The following GRIP1 variants were observed in gnomAD, a reference collection of about 807,000 sequenced individuals.
GRIP1 encodes glutamate receptor interacting protein 1.
Under a neutral mutation model 129.9 loss-of-function variants are expected in GRIP1, and 45 were observed. The ratio of observed to expected loss-of-function variants is 0.35; its 90% CI spans 0.27 to 0.44. The LOEUF (loss-of-function observed/expected upper bound fraction) is 0.44, where lower values mean the gene tolerates loss of function less well. GRIP1 is among the 20% of genes least tolerant of loss of function. The pLI, the probability that GRIP1 is intolerant of heterozygous loss-of-function variation, is 1.00. For missense variants in GRIP1, 1,196 were observed against 1,396.8 expected (o/e 0.86, Z 2.29); for synonymous variants, 530 against 520.8 (o/e 1.02, Z -0.24).
intron 7 of GRIP1, among the ~76,000 whole-genome samples, chr12:66,489,350 C>T (rs1437168727): frequency 6.6e-6 from 1 of 152,138 alleles, no homozygotes; most frequent in Admixed American, 6.6e-5. Context: ...TGATTCATCG[C>T]ATAAGCAGCA....
intron 1 of GRIP1, among the ~76,000 whole-genome samples, chr12:66,879,457 C>T (rs541541111): frequency 6.6e-5 from 10 of 152,094 alleles, no homozygotes; most frequent in South Asian, 4.2e-4. Context: ...ACAGAGACTA[C>T]GTAATTTGGA....
At chr12:66,967,291 CTCAAA>C (rs1321687636) in intron 1 of GRIP1, among the ~76,000 whole-genome samples, 1 of 152,030 alleles carries the variant, frequency 6.6e-6, no homozygotes, top group Non-Finnish European at 1.5e-5. Context: ...TATCTATCAC[CTCAAA>C]TATGTGTCAT....
At chr12:66,564,845 T>C (rs1259959058) in intron 2 of GRIP1, among the ~76,000 whole-genome samples, 3 of 152,238 alleles carry the variant, frequency 2.0e-5, no homozygotes, top group African/African-American at 2.4e-5. Context: ...GGTATCTCCT[T>C]GTGGTTTTGA....
chr12:67,053,720 C>A (rs1265392217), intron 1 of GRIP1, among the ~76,000 whole-genome samples: 2 of 151,884 alleles, frequency 1.3e-5, no homozygotes, highest in Non-Finnish European at 1.5e-5. Flanking sequence ...TACCTGTAAT[C>A]CCAGCTACTT....
At chr12:66,497,928 A>C (rs1242732433) in intron 7 of GRIP1, among the ~76,000 whole-genome samples, 3 of 152,120 alleles carry the variant, frequency 2.0e-5, no homozygotes, top group African/African-American at 7.2e-5. Context: ...AGAAGTGTAA[A>C]TGGCCGGTCC....
chr12:66,869,734 A>G (rs2040264721), intron 1 of GRIP1, among the ~76,000 whole-genome samples: 1 of 152,156 alleles, frequency 6.6e-6, no homozygotes, highest in Admixed American at 6.6e-5. Context: ...ATTAGCAACA[A>G]TTTGGGGCAG....
chr12:66,709,603 C>A (rs11176390), intron 1 of GRIP1, among the ~76,000 whole-genome samples: 2 of 151,886 alleles, frequency 1.3e-5, no homozygotes, highest in Admixed American at 1.3e-4. Context: ...ATGTATGTAA[C>A]ATACAGTGAA....
chr12:66,479,208 T>C (rs1422186056), intron 7 of GRIP1, among the ~76,000 whole-genome samples: 2 of 151,112 alleles, frequency 1.3e-5, no homozygotes, highest in Non-Finnish European at 2.9e-5. Context: ...AAGAATCAAA[T>C]AGACACAATA....
chr12:66,780,231 G>A (rs2038112635), intron 1 of GRIP1, among the ~76,000 whole-genome samples: 1 of 152,200 alleles, frequency 6.6e-6, no homozygotes, highest in Non-Finnish European at 1.5e-5. Context: ...GCAGGAATCA[G>A]TGTTTGTGCA....
chr12:66,869,804 T>C (rs2040265928), intron 1 of GRIP1, among the ~76,000 whole-genome samples: 1 of 152,126 alleles, frequency 6.6e-6, no homozygotes, highest in Non-Finnish European at 1.5e-5. Context: ...CTTCCAAGTA[T>C]CATGAGGCAG....
intron 1 of GRIP1, among the ~76,000 whole-genome samples, chr12:66,719,135 G>A (rs146981107): frequency 9.2e-5 from 14 of 152,036 alleles, no homozygotes; most frequent in African/African-American, 2.9e-4. Flanking sequence ...AAAACAATAC[G>A]AAACAAAACA....
At chr12:66,500,201 G>A (rs1318470775) in intron 7 of GRIP1, among the ~76,000 whole-genome samples, 1 of 152,168 alleles carries the variant, frequency 6.6e-6, no homozygotes, top group Non-Finnish European at 1.5e-5. Flanking sequence ...ACCATAGGAA[G>A]GAGCTGCTAT....
chr12:66,766,026 C>A (rs1283896221), intron 1 of GRIP1, among the ~76,000 whole-genome samples: 1 of 152,154 alleles, frequency 6.6e-6, no homozygotes, highest in African/African-American at 2.4e-5. Context: ...CATGATCCAT[C>A]CTCCTCCAGG....
At chr12:66,810,551 C>T (rs1157279570) in intron 1 of GRIP1, among the ~76,000 whole-genome samples, 1 of 151,652 alleles carries the variant, frequency 6.6e-6, no homozygotes, top group African/African-American at 2.4e-5. Context: ...GAGTGAAACC[C>T]TGTGTCAAGG....
chr12:66,906,344 G>C lies in GRIP1; in HGVS notation c.58+162706C>G, dbSNP rs543029127. ...AGCTACTTGGGAGGCTGAGGTGGGAGAATCACCTGAGCCCAGGAAGTCGAA... is the reference window on the plus strand; with the variant it reads ...AGCTACTTGGGAGGCTGAGGTGGGACAATCACCTGAGCCCAGGAAGTCGAA... On this transcript the variant is annotated intron_variant, in intron 1 of 1. Coordinates refer to the GRIP1 transcript ENST00000643019. Among the ~76,000 whole-genome samples, 3 of 152,208 alleles carry C rather than the reference G, an allele frequency of 2.0e-5. No homozygotes were observed. In the East Asian group the frequency reaches 5.8e-4, roughly 29 times the overall value.
chr12:66,476,877 T>A (rs2059632764), intron 7 of GRIP1, among the ~76,000 whole-genome samples: 1 of 152,198 alleles, frequency 6.6e-6, no homozygotes, highest in Non-Finnish European at 1.5e-5. Context: ...GGGACGTATC[T>A]AAAAATAATA....
intron 9 of GRIP1, among the ~76,000 whole-genome samples, chr12:66,460,748 G>C (rs2059112862): frequency 6.6e-6 from 1 of 152,176 alleles, no homozygotes; most frequent in African/African-American, 2.4e-5. Flanking sequence ...AGGCATCAGA[G>C]ATCTTGAAAA....
intron 5 of GRIP1, among the ~76,000 whole-genome samples, chr12:66,518,530 T>C (rs2060911001): frequency 6.6e-6 from 1 of 152,214 alleles, no homozygotes; most frequent in Non-Finnish European, 1.5e-5. Flanking sequence ...TGAATGGGAA[T>C]TTTAACTTTC....
chr12:66,841,327 C>T (rs997417812), intron 1 of GRIP1, among the ~76,000 whole-genome samples: 7 of 152,080 alleles, frequency 4.6e-5, no homozygotes, highest in African/African-American at 1.7e-4. Context: ...CCTCAGAGAG[C>T]ATACCATTAA....
Sources: gnomAD v4.1 joint callset for allele counts (sites outside exome capture counted in the v4.1 genomes callset) on GRCh38, gnomAD v4.1.1 for gene constraint, MANE v1.5 for transcripts, NCBI Gene and HGNC (gene_info 2026-07-23, HGNC 2026-07-21) for gene names.